The following FBLN5 variants were observed in gnomAD, a reference collection of about 807,000 sequenced individuals.
FBLN5 encodes the protein fibulin-5.
Under a neutral mutation model 61.6 loss-of-function variants are expected in FBLN5, and 24 were observed. The observed-to-expected ratio is 0.39, with a 90% CI of 0.28 to 0.55. The LOEUF (loss-of-function observed/expected upper bound fraction) is 0.55. Among genes scored for constraint, FBLN5 ranks in the 20% least tolerant of loss-of-function variants. The pLI is 0.65. For missense variants in FBLN5, 470 were observed against 594.1 expected, an observed-to-expected ratio of 0.79 and a Z score of 2.17; for synonymous variants, 213 against 219.8, an observed-to-expected ratio of 0.97 and a Z score of 0.27.
At chr14:91,927,552 A>G (rs2055850291) in intron 4 of FBLN5, among the ~76,000 whole-genome samples, 1 of 152,252 alleles carries the variant, frequency 6.6e-6, no homozygotes, top group Non-Finnish European at 1.5e-5. Context: ...TGGTGTGATC[A>G]CCTTGCTCCA....
intron 7 of FBLN5, 132 bp downstream of exon 7, chr14:91,887,061 C>A: frequency 1.0e-6 from 1 of 960,168 alleles, no homozygotes. Context: ...GACCCCACTG[C>A]CCTGGAGGAT....
chr14:91,902,288 T>G (rs1347409761), intron 4 of FBLN5, among the ~76,000 whole-genome samples: 3 of 151,318 alleles, frequency 2.0e-5, no homozygotes, highest in East Asian at 1.9e-4. Context: ...TTTGTTTTTT[T>G]TTTTTTTTTT....
intron 4 of FBLN5, among the ~76,000 whole-genome samples, chr14:91,901,166 A>G (rs17127722): frequency 6.6e-6 from 1 of 152,176 alleles, no homozygotes; most frequent in Non-Finnish European, 1.5e-5. Context: ...TGTATGATCA[A>G]CCTTTTCACA....
At chr14:91,883,201 G>T in intron 7 of FBLN5, 125 bp from the exon 8 acceptor site, 1 of 1,052,452 alleles carries the variant, frequency 9.5e-7, no homozygotes, top group Non-Finnish European at 1.5e-6. Context: ...CCAAGAAGCT[G>T]TCAATTCACT....
At chr14:91,902,337 A>C (rs557148586) in intron 4 of FBLN5, among the ~76,000 whole-genome samples, 1 of 148,396 alleles carries the variant, frequency 6.7e-6, no homozygotes, top group Non-Finnish European at 1.5e-5. Flanking sequence ...TCATGAATGT[A>C]AAGCAAACAG....
chr14:91,910,241 G>C (rs1025272509), intron 4 of FBLN5, among the ~76,000 whole-genome samples: 8 of 152,074 alleles, frequency 5.3e-5, no homozygotes, highest in Admixed American at 2.6e-4. Context: ...ATGAAGCTTG[G>C]GGACAGTATG....
At chr14:91,885,338 C>CTCTT (rs1316028216) in intron 7 of FBLN5, among the ~76,000 whole-genome samples, 1 of 152,206 alleles carries the variant, frequency 6.6e-6, no homozygotes, top group East Asian at 1.9e-4. Flanking sequence ...AGCCAAAAGT[C>CTCTT]TCTTACACCT....
At chr14:91,908,847 T>C (rs1890792355) in intron 4 of FBLN5, among the ~76,000 whole-genome samples, 1 of 152,152 alleles carries the variant, frequency 6.6e-6, no homozygotes, top group Non-Finnish European at 1.5e-5. Flanking sequence ...TGGAGGCTTG[T>C]TCTAAAAATA....
At chr14:91,926,604 C>T (rs1595339638) in intron 4 of FBLN5, among the ~76,000 whole-genome samples, 1 of 152,110 alleles carries the variant, frequency 6.6e-6, no homozygotes, top group East Asian at 1.9e-4. Flanking sequence ...AAAGAGGTCC[C>T]TCTTCTTCTC....
intron 4 of FBLN5, among the ~76,000 whole-genome samples, chr14:91,910,622 G>C (rs955596975): frequency 6.6e-6 from 1 of 152,042 alleles, no homozygotes; most frequent in Non-Finnish European, 1.5e-5. Context: ...AGAAATAATC[G>C]ATCTGTGATC....
In FBLN5 at chr14:91,943,117, G is replaced by A. The variant is rs1361015951; in HGVS notation, c.18-156C>T. Among the ~76,000 whole-genome samples the A allele has an allele frequency of 2.0e-5, 3 of 151,564 alleles. No homozygotes were observed. The highest frequency in any genetic ancestry group is 2.1e-4 in the South Asian group (1 of 4,798). Reference sequence around the variant, plus strand: ...GGAGGTCATGGTGGTTCCAGACACCGCGACCACCCAAGCAGAACCACACCT... The same window carrying A: ...GGAGGTCATGGTGGTTCCAGACACCACGACCACCCAAGCAGAACCACACCT... On this transcript the variant is annotated intron_variant, in intron 1 of 10. Coordinates refer to ENST00000342058, the MANE Select transcript of FBLN5 (RefSeq NM_006329.4). This position sits in a 1 kb window ranked among gnomAD's most constrained non-coding sequence, Gnocchi z 4.0.
intron 4 of FBLN5, among the ~76,000 whole-genome samples, chr14:91,919,544 C>A (rs1187567745): frequency 3.9e-5 from 6 of 152,060 alleles, no homozygotes; most frequent in Non-Finnish European, 5.9e-5. Context: ...CAAGTCCTAA[C>A]CCCCAGTACC....
intron 1 of FBLN5, among the ~76,000 whole-genome samples, chr14:91,944,207 T>G (rs2056150309): frequency 6.6e-6 from 1 of 152,054 alleles, no homozygotes; most frequent in African/African-American, 2.4e-5. Flanking sequence ...TGGTACACGC[T>G]CTGAGACAAA....
In FBLN5 at chr14:91,877,604, C is replaced by T. The variant is rs756252997; in HGVS notation, c.1068G>A (p.Val356=). 2.5e-6 allele frequency: 4 copies of T among 1,614,098 alleles called. No individual in the cohort carries two copies. Among genetic ancestry groups the T allele is most frequent in the Non-Finnish European group, 3.4e-6 (4 of 1,179,964 alleles). Residue 356 remains valine (V), a synonymous_variant, in exon 10 of 11, where the codon GTG becomes GTA. Coordinates refer to ENST00000342058, the MANE Select transcript of FBLN5 (RefSeq NM_006329.4). ...TGTCAGCGGGAACGGAGCGTCCTGA[C>T]ACCACGTCCATGTCCCGGTACAAGA... The part of the protein sequence containing the change: ...FTILYRDMDV[V]SGRSVPADIF...
At chr14:91,926,859 C>T (rs926057890) in intron 4 of FBLN5, among the ~76,000 whole-genome samples, 1 of 152,140 alleles carries the variant, frequency 6.6e-6, no homozygotes, top group Non-Finnish European at 1.5e-5. Context: ...GACTATCCTG[C>T]CTTCACTAAG....
At chr14:91,927,112 T>C (rs2140032831) in intron 4 of FBLN5, among the ~76,000 whole-genome samples, 1 of 152,322 alleles carries the variant, frequency 6.6e-6, no homozygotes, top group African/African-American at 2.4e-5. Context: ...AAGAAATAGC[T>C]TGGGCCTATG....
intron 3 of FBLN5, among the ~76,000 whole-genome samples, chr14:91,939,462 C>T (rs1164328754): frequency 6.6e-6 from 1 of 151,792 alleles, no homozygotes; most frequent in African/African-American, 2.4e-5. Flanking sequence ...GCCTCAGCTT[C>T]CTGAGTAGCT....
At chr14:91,944,714 G>A (rs1339799928) in intron 1 of FBLN5, among the ~76,000 whole-genome samples, 1 of 152,222 alleles carries the variant, frequency 6.6e-6, no homozygotes, top group Non-Finnish European at 1.5e-5. Flanking sequence ...GACAAAGTCT[G>A]CATGGGTCCA....
At chr14:91,885,560 C>T (rs1054384304) in intron 7 of FBLN5, among the ~76,000 whole-genome samples, 5 of 152,036 alleles carry the variant, frequency 3.3e-5, no homozygotes, top group South Asian at 2.1e-4. Context: ...CCCTCTGGGC[C>T]GTGCCAACTT....
Sources: gnomAD v4.1 joint callset for allele counts (sites outside exome capture counted in the v4.1 genomes callset) on GRCh38, gnomAD v4.1.1 for gene constraint, Gnocchi (gnomAD v3.1) non-coding constraint, MANE v1.5 for transcripts, NCBI Gene and HGNC (gene_info 2026-07-23, HGNC 2026-07-21) for gene names.